Variants in PLAGL1 observed in about 807,000 individuals in gnomAD.
The protein encoded by PLAGL1 is zinc finger protein PLAGL1.
A neutral mutation model predicts 4.6 loss-of-function variants in PLAGL1; 1 was observed. The observed-to-expected ratio is 0.22, with a 90% CI of 0.08 to 1.03. The LOEUF (loss-of-function observed/expected upper bound fraction) is 1.03, where lower values mean the gene tolerates loss of function less well. PLAGL1 is among the 50% of genes least tolerant of loss of function. The probability of loss-of-function intolerance (pLI) is 0.58; values close to 1 mark genes in which losing one functional copy is unlikely to be tolerated. For synonymous variants in PLAGL1, 240 were observed against 237.8 expected (o/e 1.01, Z -0.08); for missense variants, 464 against 570.4 (o/e 0.81, Z 1.90).
Position 144,036,254 on chromosome 6 carries a change from C to T in PLAGL1, c.-151+28214G>A, listed in dbSNP as rs952516481. 1.3e-5 allele frequency among the ~76,000 whole-genome samples: 2 copies of T among 152,156 alleles called. No individual in the cohort carries two copies. The highest frequency in any genetic ancestry group is 4.8e-5 in the African/African-American group (2 of 41,420). On this transcript the variant is annotated intron_variant, in intron 1 of 3. Transcript: ENST00000437412. The surrounding 1 kb of genome is among the most constrained non-coding windows in gnomAD (Gnocchi z 5.1). ...TAAGAACAGTCCATTTAGGCTATTTCATCTTTGCCAGTTTCATTTTAGGAA... is the reference window on the plus strand; with the variant it reads ...TAAGAACAGTCCATTTAGGCTATTTTATCTTTGCCAGTTTCATTTTAGGAA...
At chr6:144,040,342 A>G (rs1797627732) in intron 1 of PLAGL1, among the ~76,000 whole-genome samples, 1 of 151,456 alleles carries the variant, frequency 6.6e-6, no homozygotes, top group Admixed American at 6.6e-5. Flanking sequence ...TAGCCTGGGC[A>G]ACATAGTGAA....
intron 6 of PLAGL1, among the ~76,000 whole-genome samples, chr6:143,956,513 G>A (rs1401823747): frequency 1.3e-5 from 2 of 152,180 alleles, no homozygotes; most frequent in African/African-American, 4.8e-5. Flanking sequence ...CTTCTAGATG[G>A]TGATAGTACA....
Position 143,965,644 on chromosome 6 carries a change from A to G in PLAGL1, c.-431+514T>C, listed in dbSNP as rs1784287840. On this transcript the variant is annotated intron_variant, in intron 4 of 7. Coordinates refer to ENST00000674357, the MANE Select transcript of PLAGL1 (RefSeq NM_001317162.2). This position sits in a 1 kb window ranked among gnomAD's most constrained non-coding sequence, Gnocchi z 7.5. ...ACGCTGTGTTAAATTGTACCCAAGA[A>G]GATAACTCACAAGGCAAGGAACACG... 1 of 152,212 alleles carries G rather than the reference A, an allele frequency of 6.6e-6. No individual in the cohort carries two copies. The highest frequency in any genetic ancestry group is 2.4e-5 in the African/African-American group (1 of 41,436). The allele number at this position is 152,212 out of a possible 1,614,324, so 9.4% of individuals were successfully genotyped here.
rs1053924756 is a variant in PLAGL1 at position 143,962,571 on chromosome 6, T to C, written c.-398-2029A>G. 6.6e-6 allele frequency among the ~76,000 whole-genome samples: 1 copy of C among 152,194 alleles called. No homozygotes were observed. Among genetic ancestry groups the C allele is most frequent in the African/African-American group, 2.4e-5 (1 of 41,446 alleles). Reference sequence around the variant, plus strand: ...ACCAAAGTTTCATAGAGTGTATGAGTTCCAGGATGTGTTTTTGCTGTCACA... The same window carrying C: ...ACCAAAGTTTCATAGAGTGTATGAGCTCCAGGATGTGTTTTTGCTGTCACA... On this transcript the variant is annotated intron_variant, in intron 5 of 7. Coordinates refer to ENST00000674357, the MANE Select transcript of PLAGL1 (RefSeq NM_001317162.2). The surrounding 1 kb of genome is among the most constrained non-coding windows in gnomAD (Gnocchi z 5.3).
At chr6:143,969,909 A>G (rs1785108445) in intron 2 of PLAGL1, among the ~76,000 whole-genome samples, 1 of 152,164 alleles carries the variant, frequency 6.6e-6, no homozygotes. Flanking sequence ...AAGGAAAAGG[A>G]CAGAAACTGG....
At chr6:144,031,756 T>C (rs1796848739) in intron 1 of PLAGL1, among the ~76,000 whole-genome samples, 1 of 152,222 alleles carries the variant, frequency 6.6e-6, no homozygotes, top group African/African-American at 2.4e-5. Flanking sequence ...ACTATGGCCT[T>C]AGAGTACAGT....
upstream of PLAGL1, among the ~76,000 whole-genome samples, chr6:144,012,883 G>A (rs1407971638): frequency 6.6e-6 from 1 of 152,210 alleles, no homozygotes; most frequent in Non-Finnish European, 1.5e-5. This position sits in a 1 kb window ranked among gnomAD's most constrained non-coding sequence, Gnocchi z 4.8. Flanking sequence ...TGTGTAAGGG[G>A]CAGATGCTCA....
intron 1 of PLAGL1, among the ~76,000 whole-genome samples, chr6:144,031,606 T>C (rs1347013154): frequency 6.6e-6 from 1 of 152,172 alleles, no homozygotes; most frequent in Non-Finnish European, 1.5e-5. Context: ...TTGAATAGGG[T>C]GTCCTTTCCC....
chr6:144,028,870 C>A (rs1796573611), intron 1 of PLAGL1, among the ~76,000 whole-genome samples: 1 of 152,068 alleles, frequency 6.6e-6, no homozygotes, highest in Non-Finnish European at 1.5e-5. Context: ...TTTCAGAGAC[C>A]ATAGAAACAT....
intron 1 of PLAGL1, among the ~76,000 whole-genome samples, chr6:144,025,474 T>C (rs547802752): frequency 1.3e-5 from 2 of 152,342 alleles, no homozygotes; most frequent in Admixed American, 6.5e-5. Flanking sequence ...AAATGTACCA[T>C]AGAAATGTAA....
chr6:144,027,932 G>A lies in PLAGL1; in HGVS notation c.-151+36536C>T, dbSNP rs1796492130. 6.6e-6 allele frequency among the ~76,000 whole-genome samples: 1 copy of A among 152,120 alleles called. No individual in the cohort carries two copies. Among genetic ancestry groups the A allele is most frequent in the Non-Finnish European group, 1.5e-5 (1 of 68,014 alleles). On this transcript the variant is annotated intron_variant, in intron 1 of 3. Transcript: ENST00000437412. The surrounding 1 kb of genome is among the most constrained non-coding windows in gnomAD (Gnocchi z 5.8). Reference sequence around the variant, plus strand: ...CATTTTGATATGAGAATAAACAGATGCCTGGCAGCATTTGTTTTTGAAAAG... The same window carrying A: ...CATTTTGATATGAGAATAAACAGATACCTGGCAGCATTTGTTTTTGAAAAG...
Position 143,960,516 on chromosome 6 carries a change from C to T in PLAGL1, c.-372G>A, listed in dbSNP as rs1783161391. Reference sequence around the variant, plus strand: ...TGCTGCGAGGCAGGGACCGAGTCCTCCCAGAAGTTTGTCTGAAGATTCAAA... The same window carrying T: ...TGCTGCGAGGCAGGGACCGAGTCCTTCCAGAAGTTTGTCTGAAGATTCAAA... On this transcript the variant is annotated 5_prime_UTR_variant, in exon 6 of 8. Transcript: ENST00000674357. The surrounding 1 kb of genome is among the most constrained non-coding windows in gnomAD (Gnocchi z 5.7). 6.6e-6 allele frequency: 1 copy of T among 152,188 alleles called. No homozygotes were observed. The highest frequency in any genetic ancestry group is 6.5e-5 in the Admixed American group (1 of 15,280). 9.4% of individuals were successfully genotyped at this position (152,188 alleles called of 1,614,324 possible).
intron 7 of PLAGL1, among the ~76,000 whole-genome samples, chr6:143,946,865 C>G (rs758392293): frequency 3.4e-4 from 52 of 152,220 alleles, no homozygotes; most frequent in Non-Finnish European, 6.2e-4. Flanking sequence ...TGAGTGGACG[C>G]ACTATGTGTG....
At chr6:144,057,483 C>T (rs1221057916) in intron 1 of PLAGL1, among the ~76,000 whole-genome samples, 5 of 152,174 alleles carry the variant, frequency 3.3e-5, no homozygotes, top group African/African-American at 7.2e-5. Context: ...TGCCAGCACC[C>T]GTGCCACTGT....
chr6:144,007,779 C>T (rs1217427358), intron 1 of PLAGL1: 1 of 152,172 alleles, frequency 6.6e-6, no homozygotes, highest in Non-Finnish European at 1.5e-5. Flanking sequence ...TTTTCCTGGC[C>T]CGTTGGCGAG....
intron 1 of PLAGL1, among the ~76,000 whole-genome samples, chr6:144,029,818 A>C (rs1248895766): frequency 1.3e-5 from 2 of 152,226 alleles, no homozygotes; most frequent in East Asian, 1.9e-4. Flanking sequence ...ATCTATAAAA[A>C]GTATAAACAC....
At position 144,063,060 on chromosome 6, in the gene PLAGL1, T is replaced by C. The variant is rs1447433087; in HGVS notation, c.-151+1408A>G. ...TGAGTTACAGTTTACACCAACGTTG[T>C]CACAGAGTTGATCACCTGAAAACCA... is the stretch of plus-strand genomic sequence containing the variant. On this transcript the variant is annotated intron_variant, in intron 1 of 3. Transcript: ENST00000437412. The surrounding 1 kb of genome is among the most constrained non-coding windows in gnomAD (Gnocchi z 5.7). 6.6e-6 allele frequency among the ~76,000 whole-genome samples: 1 copy of C among 152,194 alleles called. No individual in the cohort carries two copies. The highest frequency in any genetic ancestry group is 2.4e-5 in the African/African-American group (1 of 41,448).
chr6:144,024,813 G>A (rs1481009053), intron 1 of PLAGL1, among the ~76,000 whole-genome samples: 1 of 152,166 alleles, frequency 6.6e-6, no homozygotes, highest in East Asian at 1.9e-4. Flanking sequence ...AATTCATGTA[G>A]TATTGAATTA....
At position 144,036,772 on chromosome 6, in the gene PLAGL1, G is replaced by T; in HGVS notation, c.-151+27696C>A. The T allele has an allele frequency of 3.0e-6, 1 of 332,406 alleles. No homozygotes were observed. 20.6% of individuals were successfully genotyped at this position (332,406 alleles called of 1,614,324 possible). A position where few individuals can be genotyped will look rare whatever the true frequency, so the allele number is the denominator to read the frequency against. ...CTTCCAGAAAACTGCTCTAAGACAA[G>T]CAAGAAGGCAGACCTGCTAAATGCC... On this transcript the variant is annotated intron_variant, in intron 1 of 3. Transcript: ENST00000437412. The surrounding 1 kb of genome is among the most constrained non-coding windows in gnomAD (Gnocchi z 5.1).
Sources: allele counts gnomAD v4.1 joint callset (sites outside exome capture counted in the v4.1 genomes callset), GRCh38; gene constraint gnomAD v4.1.1; non-coding constraint Gnocchi (gnomAD v3.1); transcripts MANE v1.5; gene names NCBI Gene and HGNC (gene_info 2026-07-23, HGNC 2026-07-21).